PLXNA4: variants seen among roughly 807,000 people sequenced by gnomAD.
PLXNA4 encodes the protein plexin A4.
PLXNA4 carries 44 observed loss-of-function variants against 191.8 expected under a neutral mutation model. The ratio of observed to expected loss-of-function variants is 0.23; its 90% confidence interval spans 0.18 to 0.29. The LOEUF (loss-of-function observed/expected upper bound fraction) is 0.29. PLXNA4 is among the 10% of genes least tolerant of loss of function. PLXNA4 has a pLI of 1.00. For synonymous variants in PLXNA4, 1,082 were observed against 1,009.5 expected (o/e 1.07, Z -1.36); for missense variants, 1,800 against 2,488.8 (o/e 0.72, Z 5.89).
intron 3 of PLXNA4, among the ~76,000 whole-genome samples, chr7:132,397,545 T>C (rs1793816634): frequency 6.6e-6 from 1 of 152,192 alleles, no homozygotes; most frequent in African/African-American, 2.4e-5. Context: ...GGTGAGCAGA[T>C]ATCAGCTTCC....
At chr7:132,168,655 C>T in intron 21 of PLXNA4, 83 bp from the exon 22 acceptor site, 5 of 1,472,492 alleles carry the variant, frequency 3.4e-6, no homozygotes, top group Non-Finnish European at 3.6e-6. Flanking sequence ...GTGCCCATAT[C>T]CATGACCCTC....
chr7:132,130,625 G>A (rs1277014751), intron 31 of PLXNA4, 51 bp from the exon 32 acceptor site: 1 of 1,612,472 alleles, frequency 6.2e-7, no homozygotes, highest in African/African-American at 1.3e-5. Flanking sequence ...GTACAGGTCT[G>A]TGTTCTCAGG....
intron 5 of PLXNA4, among the ~76,000 whole-genome samples, chr7:132,238,813 G>GA (rs1379229399): frequency 2.0e-5 from 3 of 151,036 alleles, no homozygotes; most frequent in African/African-American, 7.4e-5. Flanking sequence ...AGAGTCACAA[G>GA]AGGGGGGGGG....
chr7:132,150,833 G>T (rs1795574338), intron 25 of PLXNA4, among the ~76,000 whole-genome samples: 1 of 152,252 alleles, frequency 6.6e-6, no homozygotes, highest in Non-Finnish European at 1.5e-5. Context: ...TCCAGGGCAG[G>T]TCTTCCACCA....
intron 5 of PLXNA4, among the ~76,000 whole-genome samples, chr7:132,228,941 A>G (rs1474303366): frequency 6.6e-6 from 1 of 152,158 alleles, no homozygotes; most frequent in Non-Finnish European, 1.5e-5. Flanking sequence ...CCATGGCTCA[A>G]GATGCACCTG....
intron 4 of PLXNA4, among the ~76,000 whole-genome samples, chr7:132,257,648 G>T (rs773786924): frequency 3.3e-5 from 5 of 152,218 alleles, no homozygotes; most frequent in Non-Finnish European, 7.3e-5. Context: ...AGCAGCAGGA[G>T]CCCACAGGTG....
chr7:132,582,183 T>C (rs1249603941), upstream of PLXNA4, among the ~76,000 whole-genome samples: 1 of 152,252 alleles, frequency 6.6e-6, no homozygotes, highest in Non-Finnish European at 1.5e-5. Context: ...CTCTTGGCAC[T>C]GCCTAGTACA....
At chr7:132,585,253 A>G (rs1401652293) in intron 2 of PLXNA4, among the ~76,000 whole-genome samples, 2 of 152,180 alleles carry the variant, frequency 1.3e-5, no homozygotes, top group South Asian at 4.2e-4. Context: ...TCTACATTGG[A>G]GTCAGTAAAC....
rs145024048 is a variant in PLXNA4 at position 132,508,576 on chromosome 7, A to G, written c.118T>C (p.Phe40Leu). The change falls in exon 2 of 32, where the codon TTT becomes CTT. Residue 40 changes from phenylalanine (F) to leucine (L), a missense_variant. Physicochemically the swap from Phe to Leu is conservative, Grantham distance 22. Transcript: ENST00000321063. This position sits in a 1 kb window ranked among gnomAD's most constrained non-coding sequence, Gnocchi z 4.4. ...PAPLSQKQRSFVTFRGEPAEG... is the reference protein window; with the variant it reads ...PAPLSQKQRSLVTFRGEPAEG... ...GCGGGCTCTCCTCGGAATGTGACAA[A>G]TGACCGCTGCTTCTGGGACAGCGGG... 9.9e-3 allele frequency: 15,969 copies of G among 1,614,116 alleles called. 123 individuals carry two copies. The highest frequency in any genetic ancestry group is 0.069 in the Middle Eastern group (421 of 6,062).
chr7:132,409,777 G>A (rs1353526062), intron 3 of PLXNA4, among the ~76,000 whole-genome samples: 1 of 152,140 alleles, frequency 6.6e-6, no homozygotes, highest in East Asian at 1.9e-4. Flanking sequence ...ATACTGAAAT[G>A]TTTCCACACT....
intron 25 of PLXNA4, among the ~76,000 whole-genome samples, chr7:132,155,232 C>T (rs1212422200): frequency 2.6e-5 from 4 of 152,124 alleles, no homozygotes; most frequent in Non-Finnish European, 5.9e-5. Flanking sequence ...GCAGAGGAGA[C>T]TGCGTGTGAA....
chr7:132,537,755 C>A (rs1799909589), intron 1 of PLXNA4, among the ~76,000 whole-genome samples: 1 of 152,140 alleles, frequency 6.6e-6, no homozygotes, highest in Non-Finnish European at 1.5e-5. Context: ...ACAATGACAG[C>A]AAAGCCTCTG....
intron 9 of PLXNA4, among the ~76,000 whole-genome samples, chr7:132,222,927 A>G (rs1798194721): frequency 6.6e-6 from 1 of 152,142 alleles, no homozygotes; most frequent in South Asian, 2.1e-4. Flanking sequence ...TTTAAGCCCA[A>G]GTTGCTGCAC....
intron 4 of PLXNA4, among the ~76,000 whole-genome samples, chr7:132,255,906 A>T (rs537824578): frequency 1.2e-4 from 19 of 152,380 alleles, no homozygotes; most frequent in African/African-American, 4.6e-4. Context: ...TTAAGAAAAG[A>T]CAGGGAACAC....
intron 1 of PLXNA4, among the ~76,000 whole-genome samples, chr7:132,554,497 G>A (rs879529090): frequency 3.9e-5 from 6 of 152,146 alleles, no homozygotes; most frequent in Admixed American, 1.3e-4. Context: ...GTCAACCAGT[G>A]GTTCTTTCCT....
chr7:132,421,281 T>C (rs1794842142), intron 3 of PLXNA4, among the ~76,000 whole-genome samples: 1 of 152,212 alleles, frequency 6.6e-6, no homozygotes, highest in Non-Finnish European at 1.5e-5. Flanking sequence ...TGTCCTTCTT[T>C]TTAAAGGCTA....
chr7:132,487,407 T>C (rs1797605406), intron 3 of PLXNA4, among the ~76,000 whole-genome samples: 1 of 152,194 alleles, frequency 6.6e-6, no homozygotes, highest in African/African-American at 2.4e-5. Context: ...CATTCACCCA[T>C]TGCAGCAGGT....
intron 1 of PLXNA4, among the ~76,000 whole-genome samples, chr7:132,519,981 C>T (rs917512926): frequency 6.6e-6 from 1 of 152,164 alleles, no homozygotes; most frequent in African/African-American, 2.4e-5. Flanking sequence ...TTGTAGGCTT[C>T]ACAGAACACA....
chr7:132,229,524 T>C (rs569312836), intron 5 of PLXNA4, among the ~76,000 whole-genome samples: 2 of 151,952 alleles, frequency 1.3e-5, no homozygotes, highest in African/African-American at 4.8e-5. Flanking sequence ...GATTCTGTTG[T>C]GGGGTGGGGG....
Sources: gnomAD v4.1 joint callset for allele counts (sites outside exome capture counted in the v4.1 genomes callset) on GRCh38, gnomAD v4.1.1 for gene constraint, Gnocchi (gnomAD v3.1) non-coding constraint, MANE v1.5 for transcripts, NCBI Gene and HGNC (gene_info 2026-07-23, HGNC 2026-07-21) for gene names.